GPR141: variants seen among roughly 807,000 people sequenced by gnomAD.
GPR141 encodes probable G protein-coupled receptor 141.
A neutral mutation model predicts 6.8 loss-of-function variants in GPR141; 6 were observed. That is an observed-to-expected ratio of 0.88 (90% CI 0.48 to 1.74). The LOEUF (loss-of-function observed/expected upper bound fraction) is 1.74. GPR141 is among the 40% of genes most tolerant of loss of function. GPR141 has a pLI of 0.01. For synonymous variants in GPR141, 140 were observed against 142.3 expected (o/e 0.98, Z 0.11); for missense variants, 372 against 372.9 (o/e 1.00, Z 0.02).
At chr7:37,726,739 A>G (rs562894433) in intron 2 of GPR141, among the ~76,000 whole-genome samples, 6 of 152,322 alleles carry the variant, frequency 3.9e-5, no homozygotes, top group Admixed American at 1.3e-4. Context: ...ACAACCACAT[A>G]CAATGGTCAA....
intron 2 of GPR141, among the ~76,000 whole-genome samples, chr7:37,711,037 G>A (rs1416986561): frequency 6.6e-6 from 1 of 152,164 alleles, no homozygotes; most frequent in African/African-American, 2.4e-5. Context: ...AGAGACTGAT[G>A]TTACTTAAAT....
intron 2 of GPR141, among the ~76,000 whole-genome samples, chr7:37,696,593 T>C (rs1362312069): frequency 1.3e-5 from 2 of 151,874 alleles, no homozygotes; most frequent in Non-Finnish European, 1.5e-5. Context: ...TGTGCACATA[T>C]GGAATTGTTC....
rs1717523641 is a variant in GPR141, at chr7:37,742,013, A to G, written c.*702A>G. On this transcript the variant is annotated 3_prime_UTR_variant, in exon 3 of 3. Transcript: ENST00000334425. ...TGCACTGTTGCTCCAAAAATCATTT[A>G]AAAGCTTACTGGACATATCTACATA... Among the ~76,000 whole-genome samples the G allele has an allele frequency of 6.6e-6, 1 of 152,174 alleles. No individual in the cohort carries two copies. The highest frequency in any genetic ancestry group is 2.4e-5 in the African/African-American group (1 of 41,428).
intron 2 of GPR141, among the ~76,000 whole-genome samples, chr7:37,729,669 C>T (rs1054115676): frequency 2.6e-5 from 4 of 152,028 alleles, no homozygotes; most frequent in Non-Finnish European, 5.9e-5. Flanking sequence ...GAGAATGTCC[C>T]GGGGGCCTGA....
chr7:37,741,096 C>G lies in GPR141; in HGVS notation c.703C>G (p.Leu235Val). ...AAACCTATTTTTTATAGGGGTCATC[C>G]TTGTTTGTTTCCTTCCCTACCAGTT... ...LKNLFFIGVI[L>V]VCFLPYQFFR... The change falls in exon 3 of 3, where the codon CTT (leucine) becomes GTT (valine). Residue 235 changes from leucine to valine, a missense_variant. Leu to Val is a conservative substitution (Grantham distance 32). Transcript: ENST00000334425. The G allele has an allele frequency of 1.2e-6, 2 of 1,613,846 alleles. No individual in the cohort carries two copies. Among genetic ancestry groups the G allele is most frequent in the Non-Finnish European group, 1.7e-6 (2 of 1,179,822 alleles).
At chr7:37,707,272 G>A (rs763504720) in intron 2 of GPR141, among the ~76,000 whole-genome samples, 3 of 152,152 alleles carry the variant, frequency 2.0e-5, no homozygotes, top group Non-Finnish European at 2.9e-5. Context: ...AGTAGATACC[G>A]TTATTACCAT....
chr7:37,741,510 C>T lies in GPR141; in HGVS notation c.*199C>T. 1.9e-6 allele frequency: 1 copy of T among 520,224 alleles called. No homozygotes were observed. The highest frequency in any genetic ancestry group is 3.4e-6 in the Non-Finnish European group (1 of 297,184). The allele number at this position is 520,224 out of a possible 1,614,324, so 32.2% of individuals were successfully genotyped here. On this transcript the variant is annotated 3_prime_UTR_variant, in exon 3 of 3. Transcript: ENST00000334425. ...CTCTGAGTGATGGCCGTACAAAGAC[C>T]AGTGTTGTTGAATCCACCTGGAGTT...
intron 2 of GPR141, among the ~76,000 whole-genome samples, chr7:37,736,748 G>A (rs920853296): frequency 6.6e-6 from 1 of 152,006 alleles, no homozygotes; most frequent in African/African-American, 2.4e-5. Flanking sequence ...ACACACATAC[G>A]AAAGCTGAGA....
intron 2 of GPR141, among the ~76,000 whole-genome samples, chr7:37,727,103 T>C (rs1410976031): frequency 6.6e-6 from 1 of 152,240 alleles, no homozygotes; most frequent in Non-Finnish European, 1.5e-5. Context: ...TCGAAGTGGA[T>C]ATGCTAATTT....
chr7:37,685,752 C>CTT (rs35789715), intron 2 of GPR141, among the ~76,000 whole-genome samples, 169 bp downstream of exon 2: 24 of 113,112 alleles, frequency 2.1e-4, no homozygotes, highest in Middle Eastern at 5.2e-3. Flanking sequence ...CCTGGCAGCA[C>CTT]TTTTTTTTTT....
rs186868644 is a variant in GPR141 at position 37,699,328 on chromosome 7, G to A, written c.-15+13745G>A. ...TGTAATCCCAGCACTTTGGGAGGCCGAGGCGGGTGGATCACGAGGTCAGGA... is the reference window on the plus strand; with the variant it reads ...TGTAATCCCAGCACTTTGGGAGGCCAAGGCGGGTGGATCACGAGGTCAGGA... On this transcript the variant is annotated intron_variant, in intron 2 of 2. Transcript: ENST00000334425. 1.6e-4 allele frequency among the ~76,000 whole-genome samples: 25 copies of A among 152,292 alleles called. No individual in the cohort carries two copies. The East Asian group carries it at 2.9e-3, about 18-fold the overall frequency.
Position 37,735,631 on chromosome 7 carries a change from C to T in GPR141, c.-14-4749C>T, listed in dbSNP as rs539961932. ...TCAAGGAAAAGAACATTACTTGGAA[C>T]CACTACCTTTTTTAAGAAAAATATA... On this transcript the variant is annotated intron_variant, in intron 2 of 2. Coordinates refer to ENST00000334425, the MANE Select transcript of GPR141 (RefSeq NM_001381946.1). 3.3e-5 allele frequency among the ~76,000 whole-genome samples: 5 copies of T among 152,070 alleles called. No homozygotes were observed. The South Asian group carries it at 1.0e-3, about 32-fold the overall frequency.
intron 2 of GPR141, among the ~76,000 whole-genome samples, chr7:37,711,531 G>C (rs1489370552): frequency 6.6e-6 from 1 of 152,104 alleles, no homozygotes; most frequent in Non-Finnish European, 1.5e-5. Context: ...ACTACTACTG[G>C]GGGTTGTCAA....
At chr7:37,728,863 T>A (rs553506452) in intron 2 of GPR141, among the ~76,000 whole-genome samples, 2 of 152,254 alleles carry the variant, frequency 1.3e-5, no homozygotes, top group East Asian at 3.9e-4. Context: ...AGGCCTGGCC[T>A]GGTATGTCAG....
chr7:37,726,440 A>C (rs1014513617), intron 2 of GPR141, among the ~76,000 whole-genome samples: 2 of 152,198 alleles, frequency 1.3e-5, no homozygotes, highest in African/African-American at 4.8e-5. Context: ...GTTGCAATTT[A>C]GGCAATGAAG....
At chr7:37,687,848 TC>T (rs1445307634) in intron 2 of GPR141, among the ~76,000 whole-genome samples, 1 of 152,104 alleles carries the variant, frequency 6.6e-6, no homozygotes, top group Non-Finnish European at 1.5e-5. Flanking sequence ...CAAGACCCCT[TC>T]CATTCCCTCT....
intron 2 of GPR141, among the ~76,000 whole-genome samples, chr7:37,733,452 A>T (rs913128380): frequency 1.3e-5 from 2 of 152,050 alleles, no homozygotes; most frequent in Non-Finnish European, 1.5e-5. Flanking sequence ...CGGGTGGATC[A>T]CCTGAGGTCA....
At position 37,741,089 on chromosome 7, in the gene GPR141, G is replaced by T; in HGVS notation, c.696G>T (p.Gly232=). The part of the protein sequence containing the change: ...WAQLKNLFFI[G]VILVCFLPYQ... ...AGCTGAAAAACCTATTTTTTATAGG[G>T]GTCATCCTTGTTTGTTTCCTTCCCT... Residue 232 remains glycine, a synonymous_variant, in exon 3 of 3, where the codon GGG becomes GGT. Coordinates refer to ENST00000334425, the MANE Select transcript of GPR141 (RefSeq NM_001381946.1). 6.2e-7 allele frequency: 1 copy of T among 1,613,734 alleles called. No individual in the cohort carries two copies.
chr7:37,690,295 G>A (rs747169640), intron 2 of GPR141, among the ~76,000 whole-genome samples: 3 of 152,150 alleles, frequency 2.0e-5, no homozygotes, highest in Middle Eastern at 3.2e-3. Flanking sequence ...AATTCCCGGC[G>A]TTAGAGGTGA....
Sources: allele counts gnomAD v4.1 joint callset (sites outside exome capture counted in the v4.1 genomes callset), GRCh38; gene constraint gnomAD v4.1.1; transcripts MANE v1.5; gene names NCBI Gene and HGNC (gene_info 2026-07-23, HGNC 2026-07-21).